Variants in ADGRE1 observed in about 807,000 individuals in gnomAD.
ADGRE1 encodes adhesion G protein-coupled receptor E1.
In ADGRE1, 82 loss-of-function variants were observed where a neutral mutation model predicts 102.7. The ratio of observed to expected loss-of-function variants is 0.80; its 90% CI spans 0.67 to 0.96. The LOEUF is 0.96. ADGRE1 is among the 40% of genes least tolerant of loss of function. The probability of loss-of-function intolerance (pLI) is 0.00; values close to 1 mark genes in which losing one functional copy is unlikely to be tolerated. For missense variants in ADGRE1, 1,032 were observed against 1,085.3 expected (o/e 0.95, Z 0.69); for synonymous variants, 398 against 399.6 (o/e 1.00, Z 0.05).
Position 6,921,965 on chromosome 19 carries a change from G to A in ADGRE1, c.1791+82G>A, listed in dbSNP as rs1974686985. The A allele has an allele frequency of 9.4e-6, 14 of 1,487,764 alleles. No homozygotes were observed. In the South Asian group the frequency reaches 1.8e-4, roughly 19 times the overall value. 92.2% of individuals were successfully genotyped at this position (1,487,764 alleles called of 1,614,324 possible). ...AAAATATTGATTAAACATCTGTTGTGTGTCTCCCATGGGGTTGGGTGTTGT... is the reference window on the plus strand; with the variant it reads ...AAAATATTGATTAAACATCTGTTGTATGTCTCCCATGGGGTTGGGTGTTGT... On this transcript the variant is annotated intron_variant, in intron 14 of 20. Coordinates refer to ENST00000312053, the MANE Select transcript of ADGRE1 (RefSeq NM_001974.5).
At chr19:6,929,526 T>A (rs892675383) in intron 17 of ADGRE1, among the ~76,000 whole-genome samples, 2 of 151,924 alleles carry the variant, frequency 1.3e-5, no homozygotes, top group Non-Finnish European at 2.9e-5. Context: ...CTGCCATTTT[T>A]TTTTTCTTTT....
intron 17 of ADGRE1, among the ~76,000 whole-genome samples, chr19:6,932,530 A>G (rs1019252166): frequency 2.6e-5 from 4 of 152,152 alleles, no homozygotes; most frequent in Non-Finnish European, 5.9e-5. Context: ...GGGTTCCTCC[A>G]GCATTTTTGG....
chr19:6,923,288 C>A (rs1449828568), intron 14 of ADGRE1, among the ~76,000 whole-genome samples: 1 of 152,090 alleles, frequency 6.6e-6, no homozygotes, highest in Non-Finnish European at 1.5e-5. Flanking sequence ...CTGCACTGAG[C>A]CCAGCTCTCT....
intron 8 of ADGRE1, among the ~76,000 whole-genome samples, chr19:6,904,543 T>C (rs144031038): frequency 0.013 from 1,953 of 150,872 alleles, 29 homozygotes; most frequent in Admixed American, 0.043. Context: ...TTTTTTTTTT[T>C]CACCCAGGCT....
At chr19:6,938,119 C>T (rs1975506561) in intron 20 of ADGRE1, among the ~76,000 whole-genome samples, 1 of 151,954 alleles carries the variant, frequency 6.6e-6, no homozygotes, top group South Asian at 2.1e-4. Flanking sequence ...GGCAGATTAC[C>T]TGAGGCCAGG....
At chr19:6,914,147 T>A (rs1436298859) in intron 11 of ADGRE1, among the ~76,000 whole-genome samples, 2 of 152,240 alleles carry the variant, frequency 1.3e-5, no homozygotes, top group African/African-American at 4.8e-5. Flanking sequence ...GCTGGGCCCA[T>A]GGTAGAATTG....
intron 17 of ADGRE1, among the ~76,000 whole-genome samples, chr19:6,930,313 A>G (rs1348444451): frequency 6.6e-6 from 1 of 152,074 alleles, no homozygotes; most frequent in East Asian, 1.9e-4. Flanking sequence ...AATGTTAAAC[A>G]CCCATCTCTT....
At chr19:6,898,501 A>G in intron 5 of ADGRE1, 1 of 1,568,058 alleles carries the variant, frequency 6.4e-7, no homozygotes, top group Non-Finnish European at 8.8e-7. Context: ...TCTTGAGTGG[A>G]TATCTATCAG....
chr19:6,928,516 A>T, intron 17 of ADGRE1: 1 of 450,954 alleles, frequency 2.2e-6, no homozygotes, highest in South Asian at 2.8e-5. Flanking sequence ...AATCCCAGCT[A>T]CTTAGGAGGC....
At chr19:6,937,760 C>T in intron 20 of ADGRE1, 112 bp downstream of exon 20, 1 of 831,104 alleles carries the variant, frequency 1.2e-6, no homozygotes, top group Non-Finnish European at 2.0e-6. Flanking sequence ...GGTGCCCACC[C>T]TAGTTAGCTC....
In ADGRE1 at chr19:6,922,858, A is replaced by G. The variant is rs1054246832; in HGVS notation, c.1791+975A>G. Reference sequence around the variant, plus strand: ...TTCGGGAGGCCGAGGTGGGCAGATCACAAGGTCAGGAGATCGAGACCATCC... The same window carrying G: ...TTCGGGAGGCCGAGGTGGGCAGATCGCAAGGTCAGGAGATCGAGACCATCC... On this transcript the variant is annotated intron_variant, in intron 14 of 20. Coordinates refer to ENST00000312053, the MANE Select transcript of ADGRE1 (RefSeq NM_001974.5). Among the ~76,000 whole-genome samples, 6 of 152,230 alleles carry G rather than the reference A, an allele frequency of 3.9e-5. No individual in the cohort carries two copies. The Middle Eastern group carries it at 0.017, about 431-fold the overall frequency.
rs1302026741 is a variant in ADGRE1 at position 6,924,725 on chromosome 19, C to T, written c.1839C>T (p.Ser613=). Residue 613 remains serine (S), a synonymous_variant, in exon 15 of 21, where the codon TCC becomes TCT. Transcript: ENST00000312053. Reference sequence around the variant, plus strand: ...TTAGCCATGTAGGCATTATCATCTCCTTGGTGTGCCTCGTCTTGGCCATCG... The same window carrying T: ...TTAGCCATGTAGGCATTATCATCTCTTTGGTGTGCCTCGTCTTGGCCATCG... The part of the protein sequence containing the change: ...YIISHVGIII[S]LVCLVLAIAT... The T allele has an allele frequency of 1.2e-6, 2 of 1,614,210 alleles. No individual in the cohort carries two copies. The highest frequency in any genetic ancestry group is 1.7e-6 in the Non-Finnish European group (2 of 1,180,036).
At chr19:6,936,476 C>G (rs1008968294) in intron 18 of ADGRE1, among the ~76,000 whole-genome samples, 1 of 150,808 alleles carries the variant, frequency 6.6e-6, no homozygotes, top group Non-Finnish European at 1.5e-5. Context: ...AAAGTTGATA[C>G]ATACACATAC....
At chr19:6,918,512 A>T (rs919546852) in intron 12 of ADGRE1, among the ~76,000 whole-genome samples, 31 of 152,034 alleles carry the variant, frequency 2.0e-4, no homozygotes, top group African/African-American at 7.5e-4. Flanking sequence ...GGGCAGATGA[A>T]GCCTGGGGGT....
chr19:6,908,561 C>A, intron 9 of ADGRE1, 128 bp from the exon 10 acceptor site: 5 of 679,146 alleles, frequency 7.4e-6, no homozygotes, highest in Non-Finnish European at 1.2e-5. Flanking sequence ...CCTGAGAATT[C>A]TAGAGACTCA....
At chr19:6,900,259 A>G (rs1283018020) in intron 5 of ADGRE1, among the ~76,000 whole-genome samples, 11 of 151,620 alleles carry the variant, frequency 7.3e-5, no homozygotes. Context: ...AGAATCGCTT[A>G]AGACCAAGAG....
intron 17 of ADGRE1, among the ~76,000 whole-genome samples, chr19:6,931,430 T>C (rs535325723): frequency 1.3e-5 from 2 of 152,292 alleles, no homozygotes; most frequent in Admixed American, 6.5e-5. Context: ...ATCAAGGTAT[T>C]GGCAGGGCCA....
chr19:6,934,476 A>C (rs10402513), intron 17 of ADGRE1, among the ~76,000 whole-genome samples: 14,529 of 143,652 alleles, frequency 0.1, 1,214 homozygotes, highest in African/African-American at 0.24. Flanking sequence ...GCTGGAGTGC[A>C]GTGGCACAAT....
Position 6,928,139 on chromosome 19 carries a change from C to T in ADGRE1, c.2223-6C>T, listed in dbSNP as rs111536409. The T allele has an allele frequency of 9.7e-4, 1,563 of 1,613,018 alleles. 12 individuals are homozygous for T. In the African/African-American group the frequency reaches 0.018, roughly 19 times the overall value. On this transcript the variant is annotated splice_region_variant and splice_polypyrimidine_tract_variant and intron_variant, in intron 16 of 20. Coordinates refer to ENST00000312053, the MANE Select transcript of ADGRE1 (RefSeq NM_001974.5). ...AAGCGCTGACTCCTCCTATTTCTCT[C>T]CACAGCTGCTGGCTGAATACAGAGA...
Sources: allele counts gnomAD v4.1 joint callset (sites outside exome capture counted in the v4.1 genomes callset), GRCh38; gene constraint gnomAD v4.1.1; transcripts MANE v1.5; gene names NCBI Gene and HGNC (gene_info 2026-07-23, HGNC 2026-07-21).